NEGR1: variants seen among roughly 807,000 people sequenced by gnomAD.
NEGR1 encodes the protein IgLON family member 4.
NEGR1 carries 10 observed loss-of-function variants against 40.9 expected under a neutral mutation model. That is an observed-to-expected ratio of 0.24 (90% CI 0.15 to 0.42). The LOEUF (loss-of-function observed/expected upper bound fraction) is 0.42, where lower values mean the gene tolerates loss of function less well. NEGR1 is among the 10% of genes least tolerant of loss of function. The pLI is 1.00. For synonymous variants in NEGR1, 185 were observed against 166.8 expected, an observed-to-expected ratio of 1.11 and a Z score of -0.84; for missense variants, 352 against 438.9, an observed-to-expected ratio of 0.80 and a Z score of 1.77.
intron 6 of NEGR1, among the ~76,000 whole-genome samples, chr1:71,474,149 G>T (rs2101361116): frequency 6.6e-6 from 1 of 151,922 alleles, no homozygotes; most frequent in East Asian, 2.0e-4. Flanking sequence ...TGCACTGAAA[G>T]AAACTAAAAA....
At position 71,404,164 on chromosome 1, in the gene NEGR1, A is replaced by T. The variant is rs57144811; in HGVS notation, c.*3282T>A. ...TGTAGGGGTATTTATATATATATAT[A>T]TTTTTTTTTTTCCCTGAATTACCTG... On this transcript the variant is annotated 3_prime_UTR_variant, in exon 7 of 7. Coordinates refer to ENST00000357731, the MANE Select transcript of NEGR1 (RefSeq NM_173808.3). 3,007 of 135,110 alleles carry T rather than the reference A, an allele frequency of 0.022. 35 individuals carry two copies. Among genetic ancestry groups the T allele is most frequent in the African/African-American group, 0.052 (1,659 of 32,144 alleles). 8.4% of individuals were successfully genotyped at this position (135,110 alleles called of 1,614,324 possible). A position where few individuals can be genotyped will look rare whatever the true frequency, so the allele number is the denominator to read the frequency against.
chr1:71,991,422 AG>A (rs1228080546), intron 1 of NEGR1, among the ~76,000 whole-genome samples: 1 of 152,178 alleles, frequency 6.6e-6, no homozygotes, highest in Non-Finnish European at 1.5e-5. Context: ...TTTACGCTAT[AG>A]AAAACACATT....
In NEGR1 at chr1:71,672,280, C is replaced by A. The variant is rs533598188; in HGVS notation, c.667+25728G>T. Among the ~76,000 whole-genome samples, 107 of 152,002 alleles carry A rather than the reference C, an allele frequency of 7.0e-4. 1 individual carries two copies. Among genetic ancestry groups the A allele is most frequent in the African/African-American group, 2.6e-3 (106 of 41,478 alleles). On this transcript the variant is annotated intron_variant, in intron 4 of 6. Transcript: ENST00000357731. The stretch of plus-strand genomic sequence containing the variant: ...AAATTAAGAATGCTTTGGGTGAAGA[C>A]AAAATTAAATTAGATAAAATTATTG...
At chr1:72,027,059 G>A (rs1232254432) in intron 1 of NEGR1, among the ~76,000 whole-genome samples, 1 of 152,080 alleles carries the variant, frequency 6.6e-6, no homozygotes, top group Non-Finnish European at 1.5e-5. Context: ...CAGAGCAGGT[G>A]GGACTACAGG....
At chr1:71,629,931 C>T (rs1650918598) in intron 4 of NEGR1, among the ~76,000 whole-genome samples, 1 of 151,918 alleles carries the variant, frequency 6.6e-6, no homozygotes, top group Non-Finnish European at 1.5e-5. Context: ...ATACTGACAT[C>T]AATGCCTTTT....
intron 6 of NEGR1, among the ~76,000 whole-genome samples, chr1:71,526,917 A>G (rs1422230848): frequency 6.6e-6 from 1 of 151,656 alleles, no homozygotes; most frequent in South Asian, 2.1e-4. Flanking sequence ...ACACTCCAGA[A>G]ATTATTTGAA....
intron 1 of NEGR1, among the ~76,000 whole-genome samples, chr1:71,954,285 G>A (rs532746629): frequency 1.3e-5 from 2 of 152,056 alleles, no homozygotes; most frequent in Non-Finnish European, 2.9e-5. Context: ...GGGATGAAAA[G>A]TTCCATAATT....
At chr1:72,039,308 A>T (rs1025055120) in intron 1 of NEGR1, among the ~76,000 whole-genome samples, 2 of 151,962 alleles carry the variant, frequency 1.3e-5, no homozygotes, top group Admixed American at 6.6e-5. Flanking sequence ...CAGGTACATG[A>T]TGTGGGCATA....
intron 1 of NEGR1, among the ~76,000 whole-genome samples, chr1:72,220,499 A>G (rs761343391): frequency 2.4e-4 from 36 of 151,924 alleles, no homozygotes; most frequent in Non-Finnish European, 5.0e-4. Flanking sequence ...TAGATTACTT[A>G]TAACATTGCT....
At chr1:71,550,917 G>A (rs940943969) in intron 6 of NEGR1, among the ~76,000 whole-genome samples, 2 of 151,578 alleles carry the variant, frequency 1.3e-5, no homozygotes, top group Non-Finnish European at 3.0e-5. Flanking sequence ...ATACATTTAA[G>A]TGTATAATGC....
Position 72,107,536 on chromosome 1 carries a change from T to A in NEGR1, c.177-172225A>T, listed in dbSNP as rs575353753. 1.3e-4 allele frequency among the ~76,000 whole-genome samples: 20 copies of A among 151,612 alleles called. No individual in the cohort carries two copies. The South Asian group carries it at 3.5e-3, about 27-fold the overall frequency. On this transcript the variant is annotated intron_variant, in intron 1 of 6. Coordinates refer to ENST00000357731, the MANE Select transcript of NEGR1 (RefSeq NM_173808.3). ...ATTTCAAAGAAAAGCTAATTTTAGA[T>A]TTTTTTTAGGCAAAAAGATGTCACA...
chr1:72,027,344 T>G (rs1646820700), intron 1 of NEGR1, among the ~76,000 whole-genome samples: 1 of 152,178 alleles, frequency 6.6e-6, no homozygotes, highest in African/African-American at 2.4e-5. Flanking sequence ...GAGAAAGGTT[T>G]CATCTAATTG....
At chr1:72,268,695 AG>A (rs1249294426) in intron 1 of NEGR1, among the ~76,000 whole-genome samples, 2 of 151,614 alleles carry the variant, frequency 1.3e-5, no homozygotes, top group African/African-American at 4.8e-5. Context: ...CAAGGATTCT[AG>A]AATTTAGTAA....
At chr1:71,907,142 A>T (rs1661298965) in intron 2 of NEGR1, among the ~76,000 whole-genome samples, 1 of 152,170 alleles carries the variant, frequency 6.6e-6, no homozygotes, top group African/African-American at 2.4e-5. Flanking sequence ...AGAAAATATC[A>T]TTTCAAATTT....
chr1:72,265,577 C>A (rs745575860), intron 1 of NEGR1, among the ~76,000 whole-genome samples: 3 of 150,736 alleles, frequency 2.0e-5, no homozygotes, highest in Non-Finnish European at 4.5e-5. Context: ...GAATTCCCCA[C>A]TAAATGGTAA....
intron 6 of NEGR1, among the ~76,000 whole-genome samples, chr1:71,435,939 C>G (rs1646506224): frequency 6.6e-6 from 1 of 152,158 alleles, no homozygotes; most frequent in African/African-American, 2.4e-5. Flanking sequence ...TAACTCAGTC[C>G]CTACATGTGT....
chr1:72,274,330 T>G (rs1050687503), intron 1 of NEGR1, among the ~76,000 whole-genome samples: 2 of 152,036 alleles, frequency 1.3e-5, no homozygotes, highest in African/African-American at 4.8e-5. Context: ...GCCATAACAT[T>G]TGACATAACA....
At chr1:71,633,221 C>A (rs1004092395) in intron 4 of NEGR1, among the ~76,000 whole-genome samples, 1 of 152,018 alleles carries the variant, frequency 6.6e-6, no homozygotes, top group Non-Finnish European at 1.5e-5. Flanking sequence ...CATTCATAAC[C>A]AGTTTGTATG....
At chr1:71,496,487 CT>C (rs943890108) in intron 6 of NEGR1, among the ~76,000 whole-genome samples, 6 of 152,058 alleles carry the variant, frequency 3.9e-5, no homozygotes, top group African/African-American at 1.4e-4. Context: ...ATATCCTTTC[CT>C]TGTGGAAAAC....
Sources: gnomAD v4.1 joint callset for allele counts (sites outside exome capture counted in the v4.1 genomes callset) on GRCh38, gnomAD v4.1.1 for gene constraint, MANE v1.5 for transcripts, NCBI Gene and HGNC (gene_info 2026-07-23, HGNC 2026-07-21) for gene names.